PCDHGB1: variants seen among roughly 807,000 people sequenced by gnomAD.
The protein encoded by PCDHGB1 is protocadherin gamma subfamily B, 1.
Under a neutral mutation model 56.6 loss-of-function variants are expected in PCDHGB1, and 34 were observed. The ratio of observed to expected loss-of-function variants is 0.60; its 90% CI spans 0.46 to 0.80. PCDHGB1 has a LOEUF of 0.80. Among genes scored for constraint, PCDHGB1 ranks in the 30% least tolerant of loss-of-function variants. PCDHGB1 has a pLI of 0.00. For synonymous variants in PCDHGB1, 561 were observed against 505.9 expected (o/e 1.11, Z -1.46); for missense variants, 1,278 against 1,204.6 (o/e 1.06, Z -0.90).
intron 1 of PCDHGB1, chr5:141,399,433 C>T (rs1485508239): frequency 1.9e-6 from 3 of 1,613,892 alleles, no homozygotes; most frequent in Non-Finnish European, 2.5e-6. Flanking sequence ...AAGCGTCATC[C>T]TACATATCAG....
Position 141,350,650 on chromosome 5 carries a change from CG to C in PCDHGB1, c.391del (p.Val131LeufsTer7), listed in dbSNP as rs1758529632. On this transcript the variant is annotated frameshift_variant, in exon 1 of 4. Transcript: ENST00000523390. LOFTEE classifies it high-confidence loss of function. ...ATATTAATGACAATGCACCACGTTT[CG>C]TTGCAAAAGGCATTGACTTAGAAAT... is the stretch of plus-strand genomic sequence containing the variant. ...QDINDNAPRF[V>X]AKGIDLEICE... 1 of 1,613,902 alleles carries C rather than the reference CG, an allele frequency of 6.2e-7. No individual in the cohort carries two copies. The highest frequency in any genetic ancestry group is 1.7e-5 in the Admixed American group (1 of 60,002).
At position 141,487,796 on chromosome 5, in the gene PCDHGB1, T is replaced by C. The variant is rs766798983; in HGVS notation, c.2410-7011T>C. ...TAACTGTTTCGTGAATTAACCAGAG[T>C]TGTCACAGTTTAGCATTGGGGGCGG... On this transcript the variant is annotated intron_variant, in intron 1 of 3. Coordinates refer to ENST00000523390, the MANE Select transcript of PCDHGB1 (RefSeq NM_018922.3). The surrounding 1 kb of genome is among the most constrained non-coding windows in gnomAD (Gnocchi z 5.0). 15 of 1,498,660 alleles carry C rather than the reference T, an allele frequency of 1.0e-5. No homozygotes were observed. The highest frequency in any genetic ancestry group is 1.4e-5 in the Non-Finnish European group (15 of 1,110,900). 92.8% of individuals were successfully genotyped at this position (1,498,660 alleles called of 1,614,324 possible). A position where few individuals can be genotyped will look rare whatever the true frequency, so the allele number is the denominator to read the frequency against.
rs767147642 is a variant in PCDHGB1 at position 141,356,594 on chromosome 5, A to G, written c.2409+3925A>G. 4 of 1,613,994 alleles carry G rather than the reference A, an allele frequency of 2.5e-6. No individual in the cohort carries two copies. The South Asian group carries it at 4.4e-5, about 18-fold the overall frequency. On this transcript the variant is annotated intron_variant, in intron 1 of 3. Transcript: ENST00000523390. ...TACTCTGCTTACATTCCTGAAAACA[A>G]CCCCAGAGGAGCCTCCATCTTATCT...
At chr5:141,438,579 CAT>C (rs2097974137) in intron 1 of PCDHGB1, among the ~76,000 whole-genome samples, 1 of 55,780 alleles carries the variant, frequency 1.8e-5, no homozygotes, top group Admixed American at 2.8e-4. Context: ...GATATACATA[CAT>C]ACATACATAC....
intron 1 of PCDHGB1, chr5:141,355,735 T>C: frequency 6.2e-7 from 1 of 1,613,956 alleles, no homozygotes; most frequent in African/African-American, 1.3e-5. Flanking sequence ...CGGTTACTTT[T>C]CCCTGGACGT....
intron 1 of PCDHGB1, among the ~76,000 whole-genome samples, chr5:141,430,159 A>G (rs1324343997): frequency 6.6e-6 from 1 of 152,176 alleles, no homozygotes; most frequent in Non-Finnish European, 1.5e-5. Context: ...CAAGGAATCT[A>G]TTTAAAAATA....
intron 1 of PCDHGB1, among the ~76,000 whole-genome samples, chr5:141,435,652 G>C (rs978809372): frequency 6.6e-6 from 1 of 152,108 alleles, no homozygotes; most frequent in Non-Finnish European, 1.5e-5. Context: ...TTTCTGAAAC[G>C]TGCACAGATT....
At chr5:141,392,668 C>T in intron 1 of PCDHGB1, 2 of 849,812 alleles carry the variant, frequency 2.4e-6, no homozygotes, top group Admixed American at 3.2e-5. Flanking sequence ...CACAAACTAA[C>T]TGCTGGACTG....
At chr5:141,498,588 A>G (rs1326073516) in intron 2 of PCDHGB1, among the ~76,000 whole-genome samples, 1 of 152,082 alleles carries the variant, frequency 6.6e-6, no homozygotes, top group Non-Finnish European at 1.5e-5. Context: ...GTTCTTCAGT[A>G]AACTTGGTTC....
chr5:141,425,585 A>T (rs1270579511), intron 1 of PCDHGB1, among the ~76,000 whole-genome samples: 1 of 152,252 alleles, frequency 6.6e-6, no homozygotes, highest in Non-Finnish European at 1.5e-5. Context: ...GGCTAACTTT[A>T]TTCTGAATAT....
chr5:141,435,904 C>G (rs967350870), intron 1 of PCDHGB1, among the ~76,000 whole-genome samples: 2 of 152,068 alleles, frequency 1.3e-5, no homozygotes, highest in Admixed American at 6.5e-5. Context: ...TGAAAGACAT[C>G]CAAGGGCTCT....
chr5:141,413,921 C>G, intron 1 of PCDHGB1: 2 of 1,613,360 alleles, frequency 1.2e-6, no homozygotes, highest in Middle Eastern at 1.6e-4. Flanking sequence ...TTCACCTTGC[C>G]AGAATACCGA....
intron 1 of PCDHGB1, among the ~76,000 whole-genome samples, chr5:141,481,668 A>G (rs1051166504): frequency 6.6e-6 from 1 of 152,090 alleles, no homozygotes; most frequent in Admixed American, 6.6e-5. Flanking sequence ...TAATACAAAA[A>G]TCAGGCCGGG....
At chr5:141,494,569 T>G (rs1341706026) in intron 1 of PCDHGB1, among the ~76,000 whole-genome samples, 2 of 152,190 alleles carry the variant, frequency 1.3e-5, no homozygotes, top group Non-Finnish European at 2.9e-5. Flanking sequence ...GAAAGGAGTC[T>G]CAGCTTGCTC....
At chr5:141,386,456 G>T (rs2090582697) in intron 1 of PCDHGB1, among the ~76,000 whole-genome samples, 1 of 152,278 alleles carries the variant, frequency 6.6e-6, no homozygotes, top group East Asian at 1.9e-4. Flanking sequence ...CAAGAGGACA[G>T]CTTGAACCCA....
In PCDHGB1 at chr5:141,485,146, G is replaced by C; in HGVS notation, c.2410-9661G>C. 6.4e-7 allele frequency: 1 copy of C among 1,569,470 alleles called. No individual in the cohort carries two copies. Among genetic ancestry groups the C allele is most frequent in the Non-Finnish European group, 8.7e-7 (1 of 1,143,568 alleles). On this transcript the variant is annotated intron_variant, in intron 1 of 3. Transcript: ENST00000523390. The surrounding 1 kb of genome is among the most constrained non-coding windows in gnomAD (Gnocchi z 5.7). Reference sequence around the variant, plus strand: ...GGTCGGCTTCATCCGCGTCTCAGGAGCAAGTAGAGAATTAGCGGGCGGCAG... The same window carrying C: ...GGTCGGCTTCATCCGCGTCTCAGGACCAAGTAGAGAATTAGCGGGCGGCAG...
intron 1 of PCDHGB1, chr5:141,410,849 C>CTTTTTTTTTCTTTTTTTTTTT (rs2095433801): frequency 7.7e-6 from 1 of 129,786 alleles, no homozygotes; most frequent in Non-Finnish European, 1.3e-5. Context: ...TTGTCTTTGT[C>CTTTTTTTTTCTTTTTTTTTTT]TTTTTTTTTT....
chr5:141,366,553 G>A (rs1209299928), intron 1 of PCDHGB1: 1 of 1,614,252 alleles, frequency 6.2e-7, no homozygotes, highest in Non-Finnish European at 8.5e-7. Context: ...CGCACTTTGT[G>A]GGCGTGGATG....
In PCDHGB1 at chr5:141,505,352, C is replaced by T. The variant is rs371829394; in HGVS notation, c.2469-41C>T. 1.5e-5 allele frequency: 25 copies of T among 1,613,302 alleles called. No individual in the cohort carries two copies. In the South Asian group the frequency reaches 2.7e-4, roughly 18 times the overall value. ...AGGACAGGAGGGGCATGAGCTGTGCCGGCCTGGGAGTCTGTGCTCACCATC... is the reference window on the plus strand; with the variant it reads ...AGGACAGGAGGGGCATGAGCTGTGCTGGCCTGGGAGTCTGTGCTCACCATC... On this transcript the variant is annotated intron_variant, in intron 2 of 3. Transcript: ENST00000523390.
Sources: allele counts gnomAD v4.1 joint callset (sites outside exome capture counted in the v4.1 genomes callset), GRCh38; gene constraint gnomAD v4.1.1; non-coding constraint Gnocchi (gnomAD v3.1); transcripts MANE v1.5; gene names NCBI Gene and HGNC (gene_info 2026-07-23, HGNC 2026-07-21).